Variants in PDE4D observed in about 807,000 individuals in gnomAD.
The protein encoded by PDE4D is 3',5'-cyclic-AMP phosphodiesterase 4D.
Under a neutral mutation model 87.4 loss-of-function variants are expected in PDE4D, and 24 were observed. The observed-to-expected ratio is 0.27, with a 90% confidence interval of 0.20 to 0.39. The LOEUF (loss-of-function observed/expected upper bound fraction) is 0.39. PDE4D is among the 10% of genes least tolerant of loss of function. The pLI is 1.00. For synonymous variants in PDE4D, 384 were observed against 383.2 expected (o/e 1.00, Z -0.02); for missense variants, 714 against 1,041.0 (o/e 0.69, Z 4.32).
chr5:59,872,894 G>GT (rs1748033327), intron 1 of PDE4D, among the ~76,000 whole-genome samples: 1 of 152,052 alleles, frequency 6.6e-6, no homozygotes, highest in African/African-American at 2.4e-5. Flanking sequence ...AAAATGGAAG[G>GT]TTTTTTTCAT....
At chr5:60,328,135 T>A (rs746417478) in intron 1 of PDE4D, among the ~76,000 whole-genome samples, 19 of 152,174 alleles carry the variant, frequency 1.2e-4, no homozygotes, top group Non-Finnish European at 2.4e-4. Context: ...TTCATATGGC[T>A]GGATATCTAG....
At chr5:59,773,129 A>G (rs1405174634) in intron 1 of PDE4D, among the ~76,000 whole-genome samples, 2 of 152,230 alleles carry the variant, frequency 1.3e-5, no homozygotes, top group African/African-American at 4.8e-5. Flanking sequence ...ATTCACACTT[A>G]GTAGATATCA....
chr5:59,656,388 C>T lies in PDE4D; in HGVS notation c.455+236780G>A, dbSNP rs1744365833. The stretch of plus-strand genomic sequence containing the variant: ...GAGGGGAAGTTATGTGACAAGGACA[C>T]TCATCCAAATCTCTCTTAATCTTCC... On this transcript the variant is annotated intron_variant, in intron 1 of 14. Transcript: ENST00000340635. Among the ~76,000 whole-genome samples, 4 of 152,346 alleles carry T rather than the reference C, an allele frequency of 2.6e-5. No homozygotes were observed. The South Asian group carries it at 8.3e-4, about 32-fold the overall frequency.
intron 1 of PDE4D, among the ~76,000 whole-genome samples, chr5:59,800,939 T>A (rs1767055657): frequency 6.6e-6 from 1 of 152,254 alleles, no homozygotes; most frequent in Non-Finnish European, 1.5e-5. Flanking sequence ...TAAGTGAGGA[T>A]GATGAGGATG....
chr5:60,248,772 C>T (rs1288436306), intron 1 of PDE4D, among the ~76,000 whole-genome samples: 1 of 152,010 alleles, frequency 6.6e-6, no homozygotes, highest in African/African-American at 2.4e-5. Flanking sequence ...TGCCTGCCTG[C>T]TTCGATAGCC....
intron 1 of PDE4D, among the ~76,000 whole-genome samples, chr5:59,886,679 A>G (rs1190954385): frequency 1.3e-5 from 2 of 152,234 alleles, no homozygotes; most frequent in African/African-American, 4.8e-5. Context: ...TCTAGAAGGA[A>G]GAAGCAGCCT....
At chr5:60,421,219 C>G (rs1421128347) in intron 1 of PDE4D, among the ~76,000 whole-genome samples, 2 of 152,236 alleles carry the variant, frequency 1.3e-5, no homozygotes, top group African/African-American at 2.4e-5. Flanking sequence ...TGAGAACGGA[C>G]AGACTGCCTC....
intron 1 of PDE4D, among the ~76,000 whole-genome samples, chr5:59,599,236 C>CT (rs11409094): frequency 0.73 from 104,081 of 142,192 alleles, 38,198 homozygotes; most frequent in South Asian, 0.85. Context: ...TTTGCTTTTT[C>CT]TTTTTTTTTT....
chr5:59,018,627 G>T (rs978142873), intron 6 of PDE4D, among the ~76,000 whole-genome samples: 12 of 152,140 alleles, frequency 7.9e-5, no homozygotes, highest in African/African-American at 2.9e-4. Flanking sequence ...GCATGTATAT[G>T]AATGGAACAT....
chr5:60,221,109 T>C (rs1248328209), intron 1 of PDE4D, among the ~76,000 whole-genome samples: 1 of 152,072 alleles, frequency 6.6e-6, no homozygotes, highest in Non-Finnish European at 1.5e-5. Context: ...AAAGTGATGC[T>C]TAAAAATAGT....
At chr5:59,276,800 T>C (rs1764912766) in intron 1 of PDE4D, among the ~76,000 whole-genome samples, 1 of 152,090 alleles carries the variant, frequency 6.6e-6, no homozygotes, top group Non-Finnish European at 1.5e-5. Flanking sequence ...AAGCTTTATA[T>C]CTTGTCAATA....
intron 2 of PDE4D, among the ~76,000 whole-genome samples, chr5:60,131,476 G>T (rs1779576341): frequency 6.6e-6 from 1 of 152,204 alleles, no homozygotes; most frequent in Non-Finnish European, 1.5e-5. Context: ...CAAGAATGAA[G>T]TTAATGTGTG....
chr5:59,331,088 C>A lies in PDE4D; in HGVS notation c.456-115120G>T, dbSNP rs117964161. On this transcript the variant is annotated intron_variant, in intron 1 of 14. Transcript: ENST00000340635. ...AGTTGATAGTGTCAACTATGTTACA[C>A]CTATACAATGTTTTCAGAAATGACC... 7.2e-3 allele frequency among the ~76,000 whole-genome samples: 1,095 copies of A among 152,252 alleles called. 82 individuals carry two copies. The East Asian group carries it at 0.16, about 23-fold the overall frequency.
Position 59,047,746 on chromosome 5 carries a change from C to T in PDE4D, c.809-8775G>A, listed in dbSNP as rs143718150. ...AATATTCATATGCTGAAATCTAATC[C>T]CCGGTGTCACGGTATTTGGAGGGAA... On this transcript the variant is annotated intron_variant, in intron 5 of 14. Transcript: ENST00000340635. Among the ~76,000 whole-genome samples, 1,178 of 152,240 alleles carry T rather than the reference C, an allele frequency of 7.7e-3. 17 individuals are homozygous for T. Among genetic ancestry groups the T allele is most frequent in the African/African-American group, 0.027 (1,110 of 41,520 alleles).
intron 1 of PDE4D, among the ~76,000 whole-genome samples, chr5:59,804,239 G>A (rs1028081707): frequency 3.3e-5 from 5 of 152,062 alleles, no homozygotes; most frequent in Non-Finnish European, 1.5e-5. Context: ...TATCCTCAGC[G>A]CTTAGCTCCC....
intron 1 of PDE4D, among the ~76,000 whole-genome samples, chr5:59,399,503 C>A (rs1462354154): frequency 7.4e-6 from 1 of 135,002 alleles, no homozygotes; most frequent in Admixed American, 7.3e-5. Context: ...ATTTAATAAA[C>A]GGTTCTGGGA....
At chr5:60,465,128 A>G (rs1435120044) in intron 1 of PDE4D, among the ~76,000 whole-genome samples, 1 of 151,882 alleles carries the variant, frequency 6.6e-6, no homozygotes, top group African/African-American at 2.4e-5. Context: ...ATAAATAAAA[A>G]TAAATAATTA....
At chr5:59,702,869 CAAAAAAAAAA>C (rs71604798) in intron 1 of PDE4D, among the ~76,000 whole-genome samples, 7 of 69,816 alleles carry the variant, frequency 1.0e-4, no homozygotes, top group Non-Finnish European at 1.6e-4. Flanking sequence ...GACCCTGTCT[CAAAAAAAAAA>C]AAAAAAAAAA....
chr5:59,629,302 G>T (rs969184940), intron 1 of PDE4D, among the ~76,000 whole-genome samples: 1 of 151,982 alleles, frequency 6.6e-6, no homozygotes, highest in Non-Finnish European at 1.5e-5. Context: ...TTGGAAATAG[G>T]GTTTTTGCAG....
Sources: allele counts gnomAD v4.1 joint callset (sites outside exome capture counted in the v4.1 genomes callset), GRCh38; gene constraint gnomAD v4.1.1; transcripts MANE v1.5; gene names NCBI Gene and HGNC (gene_info 2026-07-23, HGNC 2026-07-21).